Variants in XYLT1 observed in about 807,000 individuals in gnomAD.
XYLT1 encodes beta-D-xylosyltransferase 1.
A neutral mutation model predicts 91.3 loss-of-function variants in XYLT1; 36 were observed. The ratio of observed to expected loss-of-function variants is 0.39; its 90% confidence interval spans 0.30 to 0.52. The LOEUF is 0.52. Among genes scored for constraint, XYLT1 ranks in the 20% least tolerant of loss-of-function variants. XYLT1 has a pLI of 0.68. For synonymous variants in XYLT1, 588 were observed against 532.0 expected (o/e 1.11, Z -1.45); for missense variants, 1,242 against 1,284.5 (o/e 0.97, Z 0.51).
chr16:17,258,322 TAAGG>T (rs2033667183), intron 3 of XYLT1, among the ~76,000 whole-genome samples: 1 of 131,164 alleles, frequency 7.6e-6, no homozygotes, highest in South Asian at 2.4e-4. Context: ...AAAATTAAAA[TAAGG>T]AAGAAAGGAA....
At chr16:17,325,235 T>C (rs913900263) in intron 2 of XYLT1, among the ~76,000 whole-genome samples, 1 of 152,084 alleles carries the variant, frequency 6.6e-6, no homozygotes, top group Non-Finnish European at 1.5e-5. Context: ...CTGTCTCTAC[T>C]AAAAATACAA....
chr16:17,449,526 G>C lies in XYLT1; in HGVS notation c.363+20908C>G, dbSNP rs116221348. Among the ~76,000 whole-genome samples, 715 of 152,330 alleles carry C rather than the reference G, an allele frequency of 4.7e-3. 7 individuals carry two copies. The highest frequency in any genetic ancestry group is 0.016 in the African/African-American group (678 of 41,572). On this transcript the variant is annotated intron_variant, in intron 1 of 11. Coordinates refer to ENST00000261381, the MANE Select transcript of XYLT1 (RefSeq NM_022166.4). ...AGTGACGTGGTGGTTATGCACACGGGCTTGTGGGGAGCTGTGCAACCTTGC... is the reference window on the plus strand; with the variant it reads ...AGTGACGTGGTGGTTATGCACACGGCCTTGTGGGGAGCTGTGCAACCTTGC...
chr16:17,196,976 A>C (rs1031821384), intron 5 of XYLT1, among the ~76,000 whole-genome samples: 2 of 144,734 alleles, frequency 1.4e-5, no homozygotes, highest in Non-Finnish European at 3.0e-5. Context: ...ACACCACTGC[A>C]CTCCAGCCTG....
At chr16:17,160,743 T>G (rs541591025) in intron 5 of XYLT1, among the ~76,000 whole-genome samples, 1 of 152,276 alleles carries the variant, frequency 6.6e-6, no homozygotes, top group Non-Finnish European at 1.5e-5. Context: ...CCATCGTGCA[T>G]GCCAAGGTAA....
chr16:17,384,482 C>T (rs1596516793), intron 1 of XYLT1, among the ~76,000 whole-genome samples: 1 of 151,802 alleles, frequency 6.6e-6, no homozygotes, highest in Admixed American at 6.6e-5. Context: ...TTCAATTAGC[C>T]GCCAATGTTC....
intron 2 of XYLT1, among the ~76,000 whole-genome samples, chr16:17,357,172 CAAAAAAAA>C (rs1168668915): frequency 5.3e-4 from 22 of 41,678 alleles, no homozygotes; most frequent in Non-Finnish European, 7.1e-4. Flanking sequence ...GACTCGGTCT[CAAAAAAAA>C]AAAAAAAAAA....
chr16:17,418,948 G>A (rs561057389), intron 1 of XYLT1, among the ~76,000 whole-genome samples: 12 of 151,602 alleles, frequency 7.9e-5, no homozygotes, highest in Admixed American at 7.9e-4. Flanking sequence ...CATGAGCGCT[G>A]CTGTAGGCGA....
intron 1 of XYLT1, among the ~76,000 whole-genome samples, chr16:17,363,505 TA>T (rs1324895259): frequency 6.6e-6 from 1 of 152,192 alleles, no homozygotes; most frequent in African/African-American, 2.4e-5. Context: ...GCCTTTTCTC[TA>T]TGCATCCCGG....
At chr16:17,461,988 T>A (rs974227363) in intron 1 of XYLT1, among the ~76,000 whole-genome samples, 4 of 152,220 alleles carry the variant, frequency 2.6e-5, no homozygotes, top group Admixed American at 2.6e-4. Context: ...CACCTCATCA[T>A]CACCATAGTT....
At chr16:17,131,105 G>C (rs543840966) in intron 9 of XYLT1, among the ~76,000 whole-genome samples, 1 of 152,126 alleles carries the variant, frequency 6.6e-6, no homozygotes, top group East Asian at 1.9e-4. Flanking sequence ...TGAATTCTCC[G>C]TGCCTAACAC....
At chr16:17,138,177 T>TGAA in intron 8 of XYLT1, 178 bp downstream of exon 8, 1 of 689,344 alleles carries the variant, frequency 1.5e-6, no homozygotes, top group Admixed American at 2.9e-5. Context: ...AGAACATCCC[T>TGAA]GAAGTAAGTG....
At chr16:17,361,391 C>T (rs545027814) in intron 1 of XYLT1, among the ~76,000 whole-genome samples, 1 of 152,308 alleles carries the variant, frequency 6.6e-6, no homozygotes, top group East Asian at 1.9e-4. Context: ...GTTTTGAAGT[C>T]ATTTGTTATA....
At chr16:17,259,597 G>A in intron 2 of XYLT1, 99 bp from the exon 3 acceptor site, 3 of 1,419,638 alleles carry the variant, frequency 2.1e-6, no homozygotes, top group South Asian at 1.4e-5. Context: ...TTGGAAGCCG[G>A]GGCCATAGTT....
chr16:17,417,602 C>A (rs1040570489), intron 1 of XYLT1, among the ~76,000 whole-genome samples: 6 of 152,174 alleles, frequency 3.9e-5, no homozygotes, highest in Admixed American at 3.3e-4. Flanking sequence ...TTCAAAGTTA[C>A]AATTTAACAA....
intron 2 of XYLT1, among the ~76,000 whole-genome samples, chr16:17,292,055 C>T (rs957417867): frequency 1.3e-5 from 2 of 151,314 alleles, no homozygotes; most frequent in African/African-American, 2.4e-5. Context: ...GCCAGCTAGC[C>T]GGGCATGGTG....
At chr16:17,211,809 C>G (rs2032762488) in intron 3 of XYLT1, among the ~76,000 whole-genome samples, 1 of 152,184 alleles carries the variant, frequency 6.6e-6, no homozygotes, top group African/African-American at 2.4e-5. Flanking sequence ...GGCTTCAAAA[C>G]TATCGTCTCC....
At chr16:17,408,787 G>C (rs562219112) in intron 1 of XYLT1, among the ~76,000 whole-genome samples, 107 of 152,192 alleles carry the variant, frequency 7.0e-4, no homozygotes, top group Admixed American at 1.2e-3. Context: ...CTGAGGTTGC[G>C]GTGACCCAAG....
At chr16:17,335,833 A>G (rs1284166916) in intron 2 of XYLT1, among the ~76,000 whole-genome samples, 1 of 152,214 alleles carries the variant, frequency 6.6e-6, no homozygotes, top group Non-Finnish European at 1.5e-5. Flanking sequence ...TTAATTTAAA[A>G]GGGAAACATT....
At position 17,339,347 on chromosome 16, in the gene XYLT1, C is replaced by T. The variant is rs571909864; in HGVS notation, c.402+18665G>A. 1.3e-3 allele frequency among the ~76,000 whole-genome samples: 198 copies of T among 152,224 alleles called. 1 individual carries two copies. The highest frequency in any genetic ancestry group is 1.9e-3 in the Non-Finnish European group (128 of 68,014). On this transcript the variant is annotated intron_variant, in intron 2 of 11. Coordinates refer to ENST00000261381, the MANE Select transcript of XYLT1 (RefSeq NM_022166.4). ...AGACTGCAGTAGTATTAGCAACACC[C>T]GAGACTTTGACACCAACAGAAATTG...
Sources: gnomAD v4.1 joint callset for allele counts (sites outside exome capture counted in the v4.1 genomes callset) on GRCh38, gnomAD v4.1.1 for gene constraint, MANE v1.5 for transcripts, NCBI Gene and HGNC (gene_info 2026-07-23, HGNC 2026-07-21) for gene names.